The following ELOVL7 variants were observed in gnomAD, a reference collection of about 807,000 sequenced individuals.
The protein encoded by ELOVL7 is ELOVL fatty acid elongase 7.
A neutral mutation model predicts 35.7 loss-of-function variants in ELOVL7; 27 were observed. The observed-to-expected ratio is 0.76, with a 90% CI of 0.56 to 1.04. The LOEUF is 1.04. Among genes scored for constraint, ELOVL7 ranks in the 50% least tolerant of loss-of-function variants. ELOVL7 has a pLI of 0.00. For missense variants in ELOVL7, 327 were observed against 340.8 expected (o/e 0.96, Z 0.32); for synonymous variants, 113 against 114.6 (o/e 0.99, Z 0.09).
intron 1 of ELOVL7, among the ~76,000 whole-genome samples, chr5:60,832,280 TG>T (rs1369904584): frequency 1.3e-5 from 2 of 152,206 alleles, no homozygotes; most frequent in Non-Finnish European, 2.9e-5. Context: ...AACATATATT[TG>T]CCTGTTAATA....
chr5:60,796,008 G>A (rs189706243), intron 2 of ELOVL7, among the ~76,000 whole-genome samples: 3 of 152,282 alleles, frequency 2.0e-5, no homozygotes, highest in Admixed American at 2.0e-4. Context: ...TAACAGTATT[G>A]TATAGACAGT....
At chr5:60,824,017 A>T (rs1175382189) in intron 1 of ELOVL7, among the ~76,000 whole-genome samples, 1 of 152,196 alleles carries the variant, frequency 6.6e-6, no homozygotes, top group Non-Finnish European at 1.5e-5. Context: ...CCTGCAGAGG[A>T]TTACTGTAGG....
chr5:60,780,320 A>G (rs1158817045), intron 3 of ELOVL7, among the ~76,000 whole-genome samples: 1 of 151,784 alleles, frequency 6.6e-6, no homozygotes, highest in Non-Finnish European at 1.5e-5. Flanking sequence ...GGGTTTCTCT[A>G]TGTTGGTCAG....
chr5:60,807,164 G>GC (rs1554065898), intron 1 of ELOVL7, among the ~76,000 whole-genome samples: 134 of 148,186 alleles, frequency 9.0e-4, no homozygotes, highest in African/African-American at 3.0e-3. Context: ...TCCTAATTTT[G>GC]TTTTTTTTTT....
chr5:60,799,072 A>C (rs1428911293), intron 2 of ELOVL7, 108 bp downstream of exon 2: 5 of 152,214 alleles, frequency 3.3e-5, no homozygotes, highest in Admixed American at 2.6e-4. Flanking sequence ...AAAATTCACA[A>C]ATACATGGAA....
At chr5:60,791,959 A>G (rs1743964855) in intron 2 of ELOVL7, among the ~76,000 whole-genome samples, 1 of 152,054 alleles carries the variant, frequency 6.6e-6, no homozygotes, top group Admixed American at 6.6e-5. Context: ...TCCCCTCCCC[A>G]GTCCTCACCG....
At chr5:60,835,796 C>A (rs532387305) in intron 1 of ELOVL7, among the ~76,000 whole-genome samples, 6 of 152,038 alleles carry the variant, frequency 3.9e-5, no homozygotes, top group Non-Finnish European at 4.4e-5. Context: ...ATTCCTTTCA[C>A]AATAACAATA....
intron 1 of ELOVL7, among the ~76,000 whole-genome samples, chr5:60,825,667 G>C (rs1306936500): frequency 6.6e-6 from 1 of 152,174 alleles, no homozygotes. Flanking sequence ...CTGAGGTTGA[G>C]GGAAAGAGCT....
At chr5:60,800,999 C>T (rs1041707755) in intron 1 of ELOVL7, among the ~76,000 whole-genome samples, 1 of 152,172 alleles carries the variant, frequency 6.6e-6, no homozygotes, top group African/African-American at 2.4e-5. Context: ...ATGGTCATGA[C>T]TCACTGCAGC....
At position 60,832,715 on chromosome 5, in the gene ELOVL7, C is replaced by T. The variant is rs183234161; in HGVS notation, c.-86+11445G>A. 1.6e-3 allele frequency among the ~76,000 whole-genome samples: 237 copies of T among 152,152 alleles called. 2 individuals are homozygous for T. The highest frequency in any genetic ancestry group is 3.0e-3 in the Non-Finnish European group (201 of 67,998). ...GATCAAAGCAATGTGCACTAACTCT[C>T]CATTAACCTTCCCCCTTCCCAATTC... On this transcript the variant is annotated intron_variant, in intron 1 of 8. Coordinates refer to ENST00000508821, the MANE Select transcript of ELOVL7 (RefSeq NM_024930.3).
At chr5:60,760,017 T>G (rs532052281) in intron 7 of ELOVL7, among the ~76,000 whole-genome samples, 9 of 152,360 alleles carry the variant, frequency 5.9e-5, no homozygotes, top group African/African-American at 2.2e-4. Context: ...ATGTGCCACA[T>G]TTTCCTAATC....
intron 1 of ELOVL7, among the ~76,000 whole-genome samples, chr5:60,808,513 G>T (rs2112311441): frequency 6.6e-6 from 1 of 152,262 alleles, no homozygotes; most frequent in East Asian, 1.9e-4. Context: ...CATGTTCATG[G>T]TTTGGAAAAC....
At chr5:60,803,052 T>C (rs1019278655) in intron 1 of ELOVL7, among the ~76,000 whole-genome samples, 5 of 152,230 alleles carry the variant, frequency 3.3e-5, no homozygotes, top group African/African-American at 7.2e-5. Flanking sequence ...TGTCTCTTTT[T>C]GGGAGCTTCA....
intron 1 of ELOVL7, among the ~76,000 whole-genome samples, chr5:60,839,645 G>C (rs1747040803): frequency 1.3e-5 from 2 of 152,124 alleles, no homozygotes; most frequent in African/African-American, 4.8e-5. Flanking sequence ...TGAAATTCTG[G>C]CTATTCTCAG....
intron 1 of ELOVL7, among the ~76,000 whole-genome samples, chr5:60,841,321 C>T (rs1747159327): frequency 6.6e-6 from 1 of 152,090 alleles, no homozygotes; most frequent in Admixed American, 6.6e-5. Context: ...CCACTGTGCC[C>T]AGCCTGAGAA....
intron 1 of ELOVL7, among the ~76,000 whole-genome samples, chr5:60,839,308 C>T (rs1747022247): frequency 6.6e-6 from 1 of 151,858 alleles, no homozygotes; most frequent in South Asian, 2.1e-4. Context: ...GATCGCACAA[C>T]TTTATTGGTC....
intron 1 of ELOVL7, among the ~76,000 whole-genome samples, chr5:60,824,892 C>A (rs1453367648): frequency 6.6e-6 from 1 of 152,124 alleles, no homozygotes; most frequent in Non-Finnish European, 1.5e-5. Flanking sequence ...TTATAATGGG[C>A]TCCACGGCCT....
chr5:60,800,314 A>G (rs1327364157), intron 1 of ELOVL7, among the ~76,000 whole-genome samples: 2 of 152,238 alleles, frequency 1.3e-5, no homozygotes, highest in African/African-American at 4.8e-5. Flanking sequence ...CCTAGGATAC[A>G]AGGATGGTTC....
chr5:60,809,177 A>G (rs1745113040), intron 1 of ELOVL7, among the ~76,000 whole-genome samples: 1 of 152,242 alleles, frequency 6.6e-6, no homozygotes, highest in Admixed American at 6.5e-5. Flanking sequence ...AATGAAAGAA[A>G]GAAAAAGAAT....
Sources: gnomAD v4.1 joint callset for allele counts (sites outside exome capture counted in the v4.1 genomes callset) on GRCh38, gnomAD v4.1.1 for gene constraint, MANE v1.5 for transcripts, NCBI Gene and HGNC (gene_info 2026-07-23, HGNC 2026-07-21) for gene names.